Variants in CMIP observed in about 807,000 individuals in gnomAD.
CMIP encodes c-Maf inducing protein.
A neutral mutation model predicts 97.3 loss-of-function variants in CMIP; 13 were observed. The ratio of observed to expected loss-of-function variants is 0.13; its 90% CI spans 0.09 to 0.21. CMIP has a LOEUF of 0.21. CMIP is among the 10% of genes least tolerant of loss of function. CMIP has a pLI of 1.00. For missense variants in CMIP, 847 were observed against 1,024.9 expected, an observed-to-expected ratio of 0.83 and a Z score of 2.37; for synonymous variants, 538 against 436.3, an observed-to-expected ratio of 1.23 and a Z score of -2.91.
chr16:81,664,752 C>T, intron 7 of CMIP: 1 of 380,402 alleles, frequency 2.6e-6, no homozygotes, highest in Non-Finnish European at 4.7e-6. Context: ...AGTAGCCTTG[C>T]AGTGGAGAAA....
chr16:81,459,014 G>A (rs1328572974), intron 1 of CMIP, among the ~76,000 whole-genome samples: 7 of 148,390 alleles, frequency 4.7e-5, no homozygotes, highest in African/African-American at 7.8e-5. Context: ...CACCGTCACC[G>A]TCACCATCAC....
At chr16:81,693,128 C>A in intron 11 of CMIP, 30 bp from the exon 12 acceptor site, 2 of 1,603,276 alleles carry the variant, frequency 1.2e-6, no homozygotes, top group Non-Finnish European at 1.7e-6. Flanking sequence ...CTTCTGTTAA[C>A]CGCCGTGTTT....
At chr16:81,585,640 G>C (rs2091369438) in intron 1 of CMIP, among the ~76,000 whole-genome samples, 1 of 151,772 alleles carries the variant, frequency 6.6e-6, no homozygotes, top group African/African-American at 2.4e-5. Context: ...CGTAGCGTGT[G>C]TCAGTACAAA....
intron 1 of CMIP, chr16:81,476,180 T>G: frequency 4.0e-6 from 5 of 1,240,104 alleles, no homozygotes; most frequent in Non-Finnish European, 4.7e-6. Flanking sequence ...GCAGTGCGTG[T>G]GGAAAACTGG....
intron 16 of CMIP, among the ~76,000 whole-genome samples, chr16:81,702,260 CCCTCACCCCTTCAG>C (rs1907500595): frequency 6.6e-6 from 1 of 152,170 alleles, no homozygotes; most frequent in African/African-American, 2.4e-5. Flanking sequence ...TACCCCAGCT[CCCTCACCCCTTCAG>C]TGAGATATGT....
At chr16:81,507,967 T>C (rs1464602045) in intron 1 of CMIP, among the ~76,000 whole-genome samples, 9 of 152,210 alleles carry the variant, frequency 5.9e-5, no homozygotes, top group Non-Finnish European at 1.3e-4. Context: ...TTATTTCCCA[T>C]TTGGTTTTCC....
chr16:81,509,274 A>G lies in CMIP; in HGVS notation c.300+63733A>G, dbSNP rs2089767073. On this transcript the variant is annotated intron_variant, in intron 1 of 20. Transcript: ENST00000537098. ...GCAAGCAGGTGCAGAGAGATGTGGC[A>G]TGGGCAGGACCACCCAGCTGGAGAG... Among the ~76,000 whole-genome samples, 3 of 152,112 alleles carry G rather than the reference A, an allele frequency of 2.0e-5. No homozygotes were observed. In the South Asian group the frequency reaches 6.2e-4, roughly 31 times the overall value.
rs376451801 is a variant in CMIP at position 81,660,834 on chromosome 16, T to C, written c.682-50T>C. On this transcript the variant is annotated intron_variant, in intron 5 of 20. Coordinates refer to ENST00000537098, the MANE Select transcript of CMIP (RefSeq NM_198390.3). ...TGGCCTGGAGATTGTTCGAAGTCTT[T>C]CCGTGGCTATCTACCCCACGGTTCC... The C allele has an allele frequency of 1.1e-4, 184 of 1,602,798 alleles. No homozygotes were observed. In the Middle Eastern group the frequency reaches 1.2e-3, roughly 10 times the overall value.
intron 1 of CMIP, chr16:81,533,810 C>T (rs2966109): frequency 0.019 from 2,904 of 152,372 alleles, 45 homozygotes; most frequent in Middle Eastern, 0.078. Context: ...CAGAGGGCTG[C>T]ACTAGCAGAT....
intron 7 of CMIP, chr16:81,667,297 T>G (rs2092614467): frequency 6.6e-6 from 1 of 152,222 alleles, no homozygotes; most frequent in South Asian, 2.1e-4. Flanking sequence ...CTTTAGTATG[T>G]TCCTCTGGAG....
intron 1 of CMIP, among the ~76,000 whole-genome samples, chr16:81,465,670 C>T (rs1381629679): frequency 6.6e-6 from 1 of 152,216 alleles, no homozygotes; most frequent in Non-Finnish European, 1.5e-5. Flanking sequence ...CTCAGCTGAA[C>T]CGTGAGAGGG....
At chr16:81,670,058 G>A (rs1174146434) in intron 7 of CMIP, 84 bp from the exon 8 acceptor site, 45 of 1,325,554 alleles carry the variant, frequency 3.4e-5, no homozygotes, top group Middle Eastern at 2.4e-4. Flanking sequence ...GCTCGGTCCC[G>A]CCCTTCTTTC....
intron 1 of CMIP, 66 bp downstream of exon 1, chr16:81,445,607 G>T: frequency 6.8e-7 from 1 of 1,480,660 alleles, no homozygotes; most frequent in Non-Finnish European, 9.0e-7. Context: ...CTCCCTGGCT[G>T]CCCCCTGGCG....
intron 1 of CMIP, among the ~76,000 whole-genome samples, chr16:81,508,470 C>A (rs1275754646): frequency 2.0e-5 from 3 of 152,212 alleles, no homozygotes. Flanking sequence ...TTTGTGGTTA[C>A]AGAGCATTCT....
intron 1 of CMIP, chr16:81,464,027 C>T (rs1321956163): frequency 6.6e-6 from 1 of 152,304 alleles, no homozygotes; most frequent in African/African-American, 2.4e-5. Context: ...CTTGAGTTAC[C>T]TGGCCGGGGT....
chr16:81,562,706 G>C (rs577949479), intron 1 of CMIP, among the ~76,000 whole-genome samples: 22 of 152,380 alleles, frequency 1.4e-4, no homozygotes, highest in African/African-American at 5.3e-4. Context: ...CATCTGTCCA[G>C]TGCCAGATGG....
intron 1 of CMIP, among the ~76,000 whole-genome samples, chr16:81,454,742 G>A (rs1222583703): frequency 2.6e-5 from 4 of 152,200 alleles, no homozygotes; most frequent in African/African-American, 4.8e-5. Context: ...ATACACCATT[G>A]AACAAAGCAC....
At chr16:81,505,913 T>C (rs1042328158) in intron 1 of CMIP, among the ~76,000 whole-genome samples, 1 of 152,252 alleles carries the variant, frequency 6.6e-6, no homozygotes, top group Non-Finnish European at 1.5e-5. Flanking sequence ...GAGAATCACT[T>C]GAACCCGGGA....
intron 16 of CMIP, 121 bp from the exon 17 acceptor site, chr16:81,702,501 G>A (rs977613583): frequency 2.4e-5 from 24 of 1,003,770 alleles, no homozygotes; most frequent in South Asian, 1.7e-4. Context: ...CAAGACCACC[G>A]TGTTGCCTTG....
Sources: gnomAD v4.1 joint callset for allele counts (sites outside exome capture counted in the v4.1 genomes callset) on GRCh38, gnomAD v4.1.1 for gene constraint, MANE v1.5 for transcripts, NCBI Gene and HGNC (gene_info 2026-07-23, HGNC 2026-07-21) for gene names.